Variants in ARAP2 observed in about 807,000 individuals in gnomAD.
The protein encoded by ARAP2 is arf-GAP with Rho-GAP domain, ANK repeat and PH domain-containing protein 2.
ARAP2 carries 148 observed loss-of-function variants against 194.5 expected under a neutral mutation model. The observed-to-expected ratio is 0.76, with a 90% confidence interval of 0.67 to 0.87. The LOEUF (loss-of-function observed/expected upper bound fraction) is 0.87, where lower values mean the gene tolerates loss of function less well. Among genes scored for constraint, ARAP2 ranks in the 40% least tolerant of loss-of-function variants. The pLI is 0.00. For synonymous variants in ARAP2, 695 were observed against 683.5 expected, an observed-to-expected ratio of 1.02 and a Z score of -0.26; for missense variants, 2,128 against 1,989.7, an observed-to-expected ratio of 1.07 and a Z score of -1.32.
At chr4:36,057,885 G>T (rs1324850180) in intron 2 of ARAP2, 9 of 150,010 alleles carry the variant, frequency 6.0e-5, no homozygotes, top group Non-Finnish European at 1.2e-4. Context: ...AGGGTCAATT[G>T]TCTTGAATTT....
chr4:36,166,819 G>A (rs1403294222), intron 10 of ARAP2, 113 bp downstream of exon 10: 6 of 476,938 alleles, frequency 1.3e-5, no homozygotes, highest in Non-Finnish European at 1.8e-5. Context: ...TGGAAAAGTA[G>A]GGAGATAATT....
intron 5 of ARAP2, among the ~76,000 whole-genome samples, chr4:36,037,658 A>G (rs1450588724): frequency 6.6e-6 from 1 of 152,078 alleles, no homozygotes; most frequent in Non-Finnish European, 1.5e-5. Context: ...TTTCCCTAGA[A>G]CAGGACTGGA....
chr4:36,031,433 A>G (rs1718931904), intron 5 of ARAP2, among the ~76,000 whole-genome samples: 1 of 152,222 alleles, frequency 6.6e-6, no homozygotes, highest in East Asian at 1.9e-4. Context: ...CTGAACTGGG[A>G]AAATAGGGTA....
intron 15 of ARAP2, among the ~76,000 whole-genome samples, chr4:36,156,876 T>C (rs1451685785): frequency 1.3e-5 from 2 of 152,206 alleles, no homozygotes; most frequent in Non-Finnish European, 2.9e-5. Flanking sequence ...ATATCCCTAG[T>C]TAAATTACAT....
In ARAP2 at chr4:36,051,774, A is replaced by G. The variant is rs543636569; in HGVS notation, n.369+232T>C. Among the ~76,000 whole-genome samples, 3 of 152,350 alleles carry G rather than the reference A, an allele frequency of 2.0e-5. No individual in the cohort carries two copies. In the East Asian group the frequency reaches 5.8e-4, roughly 29 times the overall value. On this transcript the variant is annotated intron_variant and non_coding_transcript_variant, in intron 3 of 12. Coordinates refer to the ARAP2 transcript ENST00000503225. ...TATAAATCTACTTAAACGGTCAAGT[A>G]TGAAACACAATATGGTACAATGAGC...
chr4:36,143,227 G>A (rs13114043), intron 19 of ARAP2, among the ~76,000 whole-genome samples: 1 of 151,638 alleles, frequency 6.6e-6, no homozygotes, highest in South Asian at 2.1e-4. Flanking sequence ...TTATGCACAC[G>A]GTGGACCTCC....
chr4:36,156,265 G>A (rs530006190), intron 15 of ARAP2, among the ~76,000 whole-genome samples: 4 of 144,300 alleles, frequency 2.8e-5, no homozygotes, highest in African/African-American at 1.0e-4. Context: ...CTGGGTGACA[G>A]AGCAAGAGAA....
chr4:36,010,571 G>A (rs6531403), intron 9 of ARAP2, among the ~76,000 whole-genome samples: 22,912 of 151,968 alleles, frequency 0.15, 3,508 homozygotes, highest in African/African-American at 0.4. Flanking sequence ...ATACATTTGT[G>A]CTTATCAAAG....
chr4:36,107,431 T>C (rs918002957), intron 27 of ARAP2, 134 bp downstream of exon 27: 4 of 839,138 alleles, frequency 4.8e-6, no homozygotes, highest in African/African-American at 3.5e-5. Context: ...CTTTCTTATA[T>C]ATGTACTATC....
At chr4:36,169,394 G>A (rs562761390) in intron 9 of ARAP2, among the ~76,000 whole-genome samples, 3 of 152,142 alleles carry the variant, frequency 2.0e-5, no homozygotes, top group Non-Finnish European at 4.4e-5. Flanking sequence ...GCCTCATCAA[G>A]GCTCCTGCAT....
At chr4:36,198,037 C>T (rs111555106) in intron 6 of ARAP2, among the ~76,000 whole-genome samples, 1 of 152,160 alleles carries the variant, frequency 6.6e-6, no homozygotes, top group Non-Finnish European at 1.5e-5. Flanking sequence ...CCCGACATCT[C>T]CCAGGTCCCA....
At chr4:36,089,915 C>T (rs969040157) in intron 28 of ARAP2, among the ~76,000 whole-genome samples, 1 of 152,016 alleles carries the variant, frequency 6.6e-6, no homozygotes, top group Non-Finnish European at 1.5e-5. Context: ...CAATCTGGGA[C>T]TTGCCTATTC....
At chr4:36,100,078 C>A (rs1716441067) in intron 27 of ARAP2, among the ~76,000 whole-genome samples, 1 of 152,018 alleles carries the variant, frequency 6.6e-6, no homozygotes, top group African/African-American at 2.4e-5. Flanking sequence ...ATGGAGCGAT[C>A]TTGACTATAA....
At chr4:36,062,864 G>A (rs1287746398), downstream of ARAP2, among the ~76,000 whole-genome samples, 2 of 152,106 alleles carry the variant, frequency 1.3e-5, no homozygotes, top group African/African-American at 2.4e-5. Context: ...AATAAAAAAT[G>A]TTAAAATAAT....
In ARAP2 at chr4:36,177,747, A is replaced by T; in HGVS notation, c.1857+80T>A. On this transcript the variant is annotated intron_variant, in intron 9 of 32. Coordinates refer to ENST00000303965, the MANE Select transcript of ARAP2 (RefSeq NM_015230.4). ...AAAACAAGACTCTATAAGTAAAATC[A>T]CTAATAATCCTTCCAAACAAAACAT... 3 of 1,364,636 alleles carry T rather than the reference A, an allele frequency of 2.2e-6. No individual in the cohort carries two copies. In the Admixed American group the frequency reaches 7.7e-5, roughly 35 times the overall value. 84.5% of individuals were successfully genotyped at this position (1,364,636 alleles called of 1,614,324 possible).
chr4:36,148,507 C>G lies in ARAP2; in HGVS notation c.2898G>C (p.Gly966=), dbSNP rs747715400. 2.3e-5 allele frequency: 37 copies of G among 1,609,032 alleles called. No homozygotes were observed. The highest frequency in any genetic ancestry group is 2.0e-5 in the Non-Finnish European group (24 of 1,176,478). The stretch of plus-strand genomic sequence containing the variant: ...AGTAGATCTCAAAGATAAAGATGGG[C>G]CTAAAACATGCACAAATAAAAAGAT... ...IHKEDFYLNT[G]PIFIFEIYLP... is the part of the protein sequence containing the mutation. The change falls in exon 17 of 33, where the codon GGG becomes GGC. Residue 966 remains glycine (G), a splice_region_variant and synonymous_variant. Transcript: ENST00000303965.
chr4:36,087,795 CTAAGG>C (rs1359199821), intron 28 of ARAP2, among the ~76,000 whole-genome samples: 1 of 152,070 alleles, frequency 6.6e-6, no homozygotes, highest in East Asian at 1.9e-4. Flanking sequence ...AGCAAAAACA[CTAAGG>C]TAATACAAAT....
intron 2 of ARAP2, among the ~76,000 whole-genome samples, chr4:36,054,561 A>G (rs1723189836): frequency 1.3e-5 from 2 of 152,210 alleles, no homozygotes; most frequent in South Asian, 4.1e-4. Context: ...ATTATAATTC[A>G]GGGAGACAAG....
At chr4:36,172,862 C>G (rs901631986) in intron 9 of ARAP2, among the ~76,000 whole-genome samples, 1 of 152,146 alleles carries the variant, frequency 6.6e-6, no homozygotes, top group Non-Finnish European at 1.5e-5. Flanking sequence ...GGGCCAGATA[C>G]AAAACCCAGA....
Sources: gnomAD v4.1 joint callset for allele counts (sites outside exome capture counted in the v4.1 genomes callset) on GRCh38, gnomAD v4.1.1 for gene constraint, MANE v1.5 for transcripts, NCBI Gene and HGNC (gene_info 2026-07-23, HGNC 2026-07-21) for gene names.